Variants in GRID2 observed in about 807,000 individuals in gnomAD.
GRID2 encodes glutamate ionotropic receptor delta type subunit 2.
A neutral mutation model predicts 114.8 loss-of-function variants in GRID2; 33 were observed. The observed-to-expected ratio is 0.29, with a 90% CI of 0.22 to 0.38. The LOEUF (loss-of-function observed/expected upper bound fraction) is 0.38. Ranked by LOEUF, GRID2 falls within the 10% of genes least tolerant of loss-of-function variation. The probability of loss-of-function intolerance (pLI) is 1.00; values close to 1 mark genes in which losing one functional copy is unlikely to be tolerated. For missense variants in GRID2, 1,184 were observed against 1,257.7 expected, an observed-to-expected ratio of 0.94 and a Z score of 0.89; for synonymous variants, 505 against 449.9, an observed-to-expected ratio of 1.12 and a Z score of -1.55.
At chr4:93,798,022 A>G (rs59425733) in intron 1 of GRID2, among the ~76,000 whole-genome samples, 4,407 of 152,024 alleles carry the variant, frequency 0.029, 208 homozygotes, top group African/African-American at 0.1. Flanking sequence ...GCATGGTGGC[A>G]TGCACCTGTA....
At chr4:92,897,727 T>C (rs1429422936) in intron 2 of GRID2, among the ~76,000 whole-genome samples, 2 of 152,162 alleles carry the variant, frequency 1.3e-5, no homozygotes, top group Admixed American at 1.3e-4. Context: ...GAAATATTGC[T>C]GGAACACAAC....
At chr4:92,376,881 C>T (rs535924443) in intron 1 of GRID2, among the ~76,000 whole-genome samples, 49 of 152,232 alleles carry the variant, frequency 3.2e-4, no homozygotes, top group African/African-American at 1.1e-3. Flanking sequence ...GGCACCAAGT[C>T]CCTAGGCTAC....
At chr4:92,913,145 T>C (rs1342588763) in intron 2 of GRID2, among the ~76,000 whole-genome samples, 2 of 151,810 alleles carry the variant, frequency 1.3e-5, no homozygotes, top group African/African-American at 4.8e-5. Context: ...CTCATAAAAC[T>C]TCTGAGTATG....
chr4:92,495,347 T>A (rs1024451543), intron 1 of GRID2, among the ~76,000 whole-genome samples: 12 of 151,974 alleles, frequency 7.9e-5, no homozygotes, highest in African/African-American at 2.9e-4. Context: ...ATACTCAACA[T>A]ACACAATAGC....
chr4:92,356,763 A>T (rs1224066958), intron 1 of GRID2, among the ~76,000 whole-genome samples: 1 of 151,800 alleles, frequency 6.6e-6, no homozygotes, highest in East Asian at 1.9e-4. Context: ...TTCTATAGTA[A>T]CTAATGCACT....
intron 1 of GRID2, among the ~76,000 whole-genome samples, chr4:93,796,699 A>G (rs1025116596): frequency 6.6e-6 from 1 of 152,072 alleles, no homozygotes; most frequent in Non-Finnish European, 1.5e-5. Flanking sequence ...ATGTGCCACC[A>G]CACCTGGATA....
intron 1 of GRID2, among the ~76,000 whole-genome samples, chr4:92,580,471 A>G (rs896304432): frequency 6.6e-6 from 1 of 152,004 alleles, no homozygotes; most frequent in Non-Finnish European, 1.5e-5. Flanking sequence ...AGTAGTTTAC[A>G]GAAGTTTTAA....
At chr4:93,000,711 T>C (rs569514969) in intron 2 of GRID2, among the ~76,000 whole-genome samples, 4 of 151,048 alleles carry the variant, frequency 2.6e-5, no homozygotes, top group Non-Finnish European at 4.4e-5. Flanking sequence ...CCATAATAAG[T>C]ATGTCAAGTA....
intron 8 of GRID2, among the ~76,000 whole-genome samples, chr4:93,259,113 C>T (rs911154075): frequency 6.6e-6 from 1 of 151,746 alleles, no homozygotes; most frequent in African/African-American, 2.4e-5. Flanking sequence ...GTGACATTCT[C>T]AGAGTGTAAA....
intron 7 of GRID2, among the ~76,000 whole-genome samples, chr4:93,237,515 T>C (rs927114326): frequency 6.6e-6 from 1 of 151,906 alleles, no homozygotes; most frequent in Non-Finnish European, 1.5e-5. Context: ...ATTAAAACAA[T>C]TTACAAAACT....
At chr4:92,714,829 C>G (rs928047273) in intron 2 of GRID2, among the ~76,000 whole-genome samples, 2 of 152,102 alleles carry the variant, frequency 1.3e-5, no homozygotes, top group East Asian at 1.9e-4. Flanking sequence ...GGGCCCAGCC[C>G]GTGAAACCAT....
intron 8 of GRID2, among the ~76,000 whole-genome samples, chr4:93,277,933 A>G (rs1276640519): frequency 6.6e-6 from 1 of 152,024 alleles, no homozygotes; most frequent in African/African-American, 2.4e-5. Flanking sequence ...AGAAGTTTCT[A>G]AAGACACTAT....
At chr4:93,606,276 T>C (rs945864861) in intron 13 of GRID2, among the ~76,000 whole-genome samples, 1 of 151,076 alleles carries the variant, frequency 6.6e-6, no homozygotes, top group East Asian at 1.9e-4. Flanking sequence ...CAAAAAAAAA[T>C]ACAAATAAAA....
intron 2 of GRID2, among the ~76,000 whole-genome samples, chr4:92,992,065 C>T (rs1239316859): frequency 1.3e-5 from 2 of 152,148 alleles, no homozygotes; most frequent in Admixed American, 6.5e-5. Flanking sequence ...TACCCAGTAA[C>T]GATGACTCCT....
chr4:92,855,069 G>A (rs1419237098), intron 2 of GRID2, among the ~76,000 whole-genome samples: 1 of 152,000 alleles, frequency 6.6e-6, no homozygotes, highest in African/African-American at 2.4e-5. Context: ...TTTATAAAAA[G>A]CCATTTTGAA....
At chr4:92,671,183 A>C (rs758944374) in intron 2 of GRID2, among the ~76,000 whole-genome samples, 3 of 152,068 alleles carry the variant, frequency 2.0e-5, no homozygotes, top group Non-Finnish European at 4.4e-5. Context: ...AACATGTCTT[A>C]CCATGGCAGA....
Position 93,692,253 on chromosome 4 carries a change from A to G in GRID2, c.2360+65818A>G, listed in dbSNP as rs368808935. Among the ~76,000 whole-genome samples the G allele has an allele frequency of 3.9e-5, 6 of 152,248 alleles. No homozygotes were observed. In the South Asian group the frequency reaches 6.2e-4, roughly 16 times the overall value. On this transcript the variant is annotated intron_variant, in intron 14 of 15. Coordinates refer to ENST00000282020, the MANE Select transcript of GRID2 (RefSeq NM_001510.4). ...GAGTTTAGAAAAGAAGGCCTTACTG[A>G]TATGCCATTTGAATAATAACCTGAA...
chr4:92,403,784 G>A (rs112427643), intron 1 of GRID2, among the ~76,000 whole-genome samples: 2,974 of 151,958 alleles, frequency 0.02, 94 homozygotes, highest in African/African-American at 0.068. Flanking sequence ...TGAAAACTTC[G>A]AGGCTATTGT....
chr4:93,407,835 C>T (rs1455096934), intron 9 of GRID2, among the ~76,000 whole-genome samples: 1 of 147,770 alleles, frequency 6.8e-6, no homozygotes, highest in Non-Finnish European at 1.5e-5. Context: ...TCTCCTCCTC[C>T]TCCTCCTCCT....
Sources: allele counts gnomAD v4.1 joint callset (sites outside exome capture counted in the v4.1 genomes callset), GRCh38; gene constraint gnomAD v4.1.1; transcripts MANE v1.5; gene names NCBI Gene and HGNC (gene_info 2026-07-23, HGNC 2026-07-21).